Variants in POLR3A observed in about 807,000 individuals in gnomAD.
POLR3A encodes the protein DNA-directed RNA polymerase III subunit RPC1.
Under a neutral mutation model 152.8 loss-of-function variants are expected in POLR3A, and 112 were observed. The observed-to-expected ratio is 0.73, with a 90% CI of 0.63 to 0.86. The LOEUF (loss-of-function observed/expected upper bound fraction) is 0.86. Ranked by LOEUF, POLR3A falls within the 40% of genes least tolerant of loss-of-function variation. The probability of loss-of-function intolerance (pLI) is 0.00; values close to 1 mark genes in which losing one functional copy is unlikely to be tolerated. For missense variants in POLR3A, 1,385 were observed against 1,743.1 expected (o/e 0.79, Z 3.66); for synonymous variants, 615 against 652.1 (o/e 0.94, Z 0.87).
In POLR3A at chr10:78,009,644, A is replaced by T. The variant is rs1278152116; in HGVS notation, c.1802T>A (p.Phe601Tyr). Residue 601 changes from phenylalanine (F) to tyrosine (Y), a missense_variant, in exon 14 of 31, where the codon TTC becomes TAC. Physicochemically the swap from Phe to Tyr is conservative, Grantham distance 22. This residue lies in a region of POLR3A where 188 missense variants were observed against 179.9 expected (regional missense o/e 1.04). Coordinates refer to ENST00000372371, the MANE Select transcript of POLR3A (RefSeq NM_007055.4). The part of the protein sequence containing the change: ...PVTLWTGKQI[F>Y]SVILRPSDDN... ...ATCGCTAGGCCTGAGGATGACACTG[A>T]AGATCTGCTTTCCCGTCCACAGGGT... is the stretch of plus-strand genomic sequence containing the variant. 20 of 1,614,030 alleles carry T rather than the reference A, an allele frequency of 1.2e-5. No individual in the cohort carries two copies. Among genetic ancestry groups the T allele is most frequent in the Non-Finnish European group, 1.5e-5 (18 of 1,180,038 alleles).
At chr10:77,978,941 C>T (rs1447852149) in intron 30 of POLR3A, among the ~76,000 whole-genome samples, 3 of 152,018 alleles carry the variant, frequency 2.0e-5, no homozygotes, top group African/African-American at 7.3e-5. Context: ...GGATTACAGG[C>T]GTGAGCCACC....
chr10:77,990,986 C>T lies in POLR3A; in HGVS notation c.2901+68G>A, dbSNP rs1589306284. ...CCAGCTTATAAAATCCACTTGCCAG[C>T]CCTTGGCAAACAGAGTTCTTTACGA... On this transcript the variant is annotated intron_variant, in intron 21 of 30. Transcript: ENST00000372371. 4 of 868,986 alleles carry T rather than the reference C, an allele frequency of 4.6e-6. 1 individual carries two copies. Among genetic ancestry groups the T allele is most frequent in the South Asian group, 4.1e-5 (3 of 73,502 alleles). 53.8% of individuals were successfully genotyped at this position (868,986 alleles called of 1,614,324 possible).
intron 10 of POLR3A, 126 bp from the exon 11 acceptor site, chr10:78,013,916 C>T (rs759629403): frequency 1.8e-6 from 2 of 1,083,610 alleles, no homozygotes; most frequent in Non-Finnish European, 2.8e-6. Context: ...AGTAGATTTC[C>T]AGTATGTTCT....
Position 78,017,671 on chromosome 10 carries a change from C to T in POLR3A, c.1335G>A (p.Lys445=). The change falls in exon 10 of 31, where the codon AAG becomes AAA. Residue 445 remains lysine, a synonymous_variant. Transcript: ENST00000372371. ...GNREKMAQEL[K]YGDIVERHLI... ...GGTGTCTCTCTACGATGTCACCATACTTGAGCTCTTGAGCCATCTTTTCTC... is the reference window on the plus strand; with the variant it reads ...GGTGTCTCTCTACGATGTCACCATATTTGAGCTCTTGAGCCATCTTTTCTC... The T allele has an allele frequency of 1.2e-6, 2 of 1,614,136 alleles. No individual in the cohort carries two copies. The highest frequency in any genetic ancestry group is 1.7e-6 in the Non-Finnish European group (2 of 1,179,980).
chr10:78,004,764 C>G lies in POLR3A; in HGVS notation c.2199G>C (p.Thr733=). The G allele has an allele frequency of 1.2e-6, 2 of 1,613,990 alleles. No individual in the cohort carries two copies. The highest frequency in any genetic ancestry group is 1.7e-6 in the Non-Finnish European group (2 of 1,179,946). ...KCDEYIEALN[T]GKLQQQPGCT... ...AGCCAGGCTGCTGCTGCAGCTTGCC[C>G]GTGTTCAGGGCTTCGATGTACTCAT... The change falls in exon 16 of 31, where the codon ACG becomes ACC. Residue 733 remains threonine, a synonymous_variant. Transcript: ENST00000372371.
At position 77,985,276 on chromosome 10, in the gene POLR3A, TG is replaced by T; in HGVS notation, c.3135del (p.Thr1046ProfsTer3). 1 of 1,613,998 alleles carries T rather than the reference TG, an allele frequency of 6.2e-7. No individual in the cohort carries two copies. Among genetic ancestry groups the T allele is most frequent in the Non-Finnish European group, 8.5e-7 (1 of 1,179,860 alleles). ...TGGAAAGTCTTCAGGGTCATCTGGG[TG>T]CCTGGCTCACCAATGCTCTGGGCAC... ...ALCAQSIGEP[G>X]TQMTLKTFHF... On this transcript the variant is annotated frameshift_variant, in exon 24 of 31. Coordinates refer to ENST00000372371, the MANE Select transcript of POLR3A (RefSeq NM_007055.4). LOFTEE classifies it high-confidence loss of function.
intron 26 of POLR3A, among the ~76,000 whole-genome samples, chr10:77,983,148 G>A (rs766562846): frequency 1.1e-4 from 16 of 152,126 alleles, no homozygotes; most frequent in Admixed American, 3.3e-4. Context: ...AAAAGCTTCC[G>A]TGGGGCCTCC....
intron 30 of POLR3A, 48 bp downstream of exon 30, chr10:77,980,093 G>A (rs745445620): frequency 1.4e-5 from 22 of 1,574,508 alleles, no homozygotes; most frequent in Non-Finnish European, 1.8e-5. Context: ...TGGTCTATTT[G>A]TAAATAGTAA....
chr10:78,001,109 C>T lies in POLR3A; in HGVS notation c.2360-15G>A. 7.4e-7 allele frequency: 1 copy of T among 1,359,252 alleles called. No individual in the cohort carries two copies. Among genetic ancestry groups the T allele is most frequent in the Middle Eastern group, 1.8e-4 (1 of 5,534 alleles). 84.2% of individuals were successfully genotyped at this position (1,359,252 alleles called of 1,614,324 possible). A position where few individuals can be genotyped will look rare whatever the true frequency, so the allele number is the denominator to read the frequency against. On this transcript the variant is annotated splice_polypyrimidine_tract_variant and intron_variant, in intron 17 of 30. Coordinates refer to ENST00000372371, the MANE Select transcript of POLR3A (RefSeq NM_007055.4). ...AATGAAGGAACCTGGGGACATGGAC[C>T]AGAAATGTAACATTCATTTACCAAA...
intron 18 of POLR3A, among the ~76,000 whole-genome samples, chr10:78,000,663 T>C (rs1171132854): frequency 6.6e-6 from 1 of 152,210 alleles, no homozygotes; most frequent in African/African-American, 2.4e-5. Flanking sequence ...TGAAGTATAA[T>C]TGTAATAATT....
At chr10:78,003,915 T>C (rs1439235712) in intron 16 of POLR3A, among the ~76,000 whole-genome samples, 1 of 151,716 alleles carries the variant, frequency 6.6e-6, no homozygotes, top group Non-Finnish European at 1.5e-5. Flanking sequence ...GGCGACAAAG[T>C]GAGACTCCAT....
In POLR3A at chr10:77,984,765, T is replaced by A. The variant is rs1428443376; in HGVS notation, c.3242+405A>T. On this transcript the variant is annotated intron_variant, in intron 24 of 30. Transcript: ENST00000372371. ...CTATTTCTTCTAGCCTTAGATCAAC[T>A]AGAAATCCCATCATGAAATCACCAG... is the stretch of plus-strand genomic sequence containing the variant. Among the ~76,000 whole-genome samples, 3 of 152,352 alleles carry A rather than the reference T, an allele frequency of 2.0e-5. No homozygotes were observed. The East Asian group carries it at 5.8e-4, about 29-fold the overall frequency.
chr10:78,003,625 C>T (rs1445948195), intron 16 of POLR3A, among the ~76,000 whole-genome samples: 3 of 152,156 alleles, frequency 2.0e-5, no homozygotes, highest in African/African-American at 7.2e-5. Context: ...ACCATACATT[C>T]AAAGAGCTGT....
chr10:78,010,730 G>A (rs898897551), intron 11 of POLR3A, among the ~76,000 whole-genome samples, 190 bp from the exon 12 acceptor site: 1 of 152,112 alleles, frequency 6.6e-6, no homozygotes, highest in African/African-American at 2.4e-5. Flanking sequence ...CTGTCAAGGG[G>A]AGAGAAAAAA....
At chr10:78,007,035 C>T (rs1338263427) in intron 15 of POLR3A, among the ~76,000 whole-genome samples, 8 of 152,038 alleles carry the variant, frequency 5.3e-5, no homozygotes, top group African/African-American at 1.7e-4. Flanking sequence ...CACACCACTG[C>T]ACTACAGCCT....
chr10:78,006,078 T>G (rs971751244), intron 15 of POLR3A, among the ~76,000 whole-genome samples: 1 of 152,050 alleles, frequency 6.6e-6, no homozygotes, highest in Non-Finnish European at 1.5e-5. Context: ...GAAGATACAT[T>G]CAGGGATCAA....
In POLR3A at chr10:77,975,485, C is replaced by CCATTCTG. The variant is rs1847078494; in HGVS notation, c.*1986_*1992dup. On this transcript the variant is annotated 3_prime_UTR_variant, in exon 31 of 31. Coordinates refer to ENST00000372371, the MANE Select transcript of POLR3A (RefSeq NM_007055.4). ...ATGGGTGATGTGATCCTTCACATAACCATTCTGCTCCAAGGTCTGCCTTGT... is the reference window on the plus strand; with the variant it reads ...ATGGGTGATGTGATCCTTCACATAACCATTCTGCATTCTGCTCCAAGGTCTGCCTTGT... The CCATTCTG allele has an allele frequency of 6.6e-6, 1 of 152,272 alleles. No individual in the cohort carries two copies. The highest frequency in any genetic ancestry group is 6.5e-5 in the Admixed American group (1 of 15,282). 9.4% of individuals were successfully genotyped at this position (152,272 alleles called of 1,614,324 possible).
Position 77,985,191 on chromosome 10 carries a change from AT to A in POLR3A, c.3220del (p.Ile1074SerfsTer16). 1 of 1,614,144 alleles carries A rather than the reference AT, an allele frequency of 6.2e-7. No individual in the cohort carries two copies. Among genetic ancestry groups the A allele is most frequent in the Admixed American group, 1.7e-5 (1 of 60,024 alleles). On this transcript the variant is annotated frameshift_variant, in exon 24 of 31. Coordinates refer to ENST00000372371, the MANE Select transcript of POLR3A (RefSeq NM_007055.4). LOFTEE classifies it high-confidence loss of function. ...TLGVPRIKEI[I>X]NASKAISTPI... Reference sequence around the variant, plus strand: ...GCACCTGATGGCCTTGGAAGCGTTGATGATCTCTTTAATCCGGGGCACGCCC... The same window carrying A: ...GCACCTGATGGCCTTGGAAGCGTTGAGATCTCTTTAATCCGGGGCACGCCC...
intron 14 of POLR3A, among the ~76,000 whole-genome samples, chr10:78,008,750 C>T (rs1352325609): frequency 1.3e-5 from 2 of 151,842 alleles, no homozygotes; most frequent in East Asian, 1.9e-4. Flanking sequence ...TGGCTCACAC[C>T]TGTAATCCCA....
Sources: gnomAD v4.1 joint callset for allele counts (sites outside exome capture counted in the v4.1 genomes callset) on GRCh38, gnomAD v4.1.1 for gene constraint, gnomAD v4.1.1 regional missense constraint, MANE v1.5 for transcripts, NCBI Gene and HGNC (gene_info 2026-07-23, HGNC 2026-07-21) for gene names.